The following CD58 variants were observed in gnomAD, a reference collection of about 807,000 sequenced individuals.
The protein encoded by CD58 is lymphocyte function-associated antigen 3.
In CD58, 14 loss-of-function variants were observed where a neutral mutation model predicts 27.6. The ratio of observed to expected loss-of-function variants is 0.51; its 90% CI spans 0.34 to 0.79. The LOEUF (loss-of-function observed/expected upper bound fraction) is 0.79. Ranked by LOEUF, CD58 falls within the 30% of genes least tolerant of loss-of-function variation. The pLI, the probability that CD58 is intolerant of heterozygous loss-of-function variation, is 0.02. For missense variants in CD58, 268 were observed against 301.7 expected, an observed-to-expected ratio of 0.89 and a Z score of 0.83; for synonymous variants, 117 against 103.8, an observed-to-expected ratio of 1.13 and a Z score of -0.77.
At position 116,570,928 on chromosome 1, in the gene CD58, G is replaced by C; in HGVS notation, c.45C>G (p.Ser15Arg). The change falls in exon 1 of 6, where the codon AGC (serine) becomes AGG (arginine). Residue 15 changes from serine (S) to arginine (R), a missense_variant. Ser to Arg is a moderately radical substitution (Grantham distance 110). Coordinates refer to ENST00000369489, the MANE Select transcript of CD58 (RefSeq NM_001779.3). This position sits in a 1 kb window ranked among gnomAD's most constrained non-coding sequence, Gnocchi z 6.4. Reference protein sequence around the residue: ...SDAGRALGVLSVVCLLHCFGF... With the variant: ...SDAGRALGVLRVVCLLHCFGF... ...CAAAGCAGTGCAGCAGGCAGACCACGCTGAGGACCCCCAGGGCCCGCCCCG... is the reference window on the plus strand; with the variant it reads ...CAAAGCAGTGCAGCAGGCAGACCACCCTGAGGACCCCCAGGGCCCGCCCCG... The C allele has an allele frequency of 6.4e-7, 1 of 1,569,184 alleles. No individual in the cohort carries two copies. The highest frequency in any genetic ancestry group is 1.4e-5 in the African/African-American group (1 of 73,960).
rs925777179 is a variant in CD58 at position 116,532,964 on chromosome 1, C to G, written c.628+3001G>C. ...CTGCTGCTTGCATTCCGCCGGCTGG[C>G]TGGGTTCCTTGTTGGGATTAATTTC... On this transcript the variant is annotated intron_variant, in intron 3 of 5. Transcript: ENST00000369489. The surrounding 1 kb of genome is among the most constrained non-coding windows in gnomAD (Gnocchi z 5.1). The G allele has an allele frequency of 2.9e-6, 3 of 1,045,174 alleles. No individual in the cohort carries two copies. The highest frequency in any genetic ancestry group is 2.0e-5 in the Admixed American group (1 of 50,566). 64.7% of individuals were successfully genotyped at this position (1,045,174 alleles called of 1,614,324 possible). A position where few individuals can be genotyped will look rare whatever the true frequency, so the allele number is the denominator to read the frequency against.
At position 116,570,206 on chromosome 1, in the gene CD58, G is replaced by T. The variant is rs1047251873; in HGVS notation, c.70+697C>A. On this transcript the variant is annotated intron_variant, in intron 1 of 5. Coordinates refer to ENST00000369489, the MANE Select transcript of CD58 (RefSeq NM_001779.3). This position sits in a 1 kb window ranked among gnomAD's most constrained non-coding sequence, Gnocchi z 6.4. Reference sequence around the variant, plus strand: ...ATGGGGAGGCAAAATGGGAAGAAGGGGACCTATTTCCTGAGGTTGTTGTGA... The same window carrying T: ...ATGGGGAGGCAAAATGGGAAGAAGGTGACCTATTTCCTGAGGTTGTTGTGA... Among the ~76,000 whole-genome samples, 1 of 152,160 alleles carries T rather than the reference G, an allele frequency of 6.6e-6. No individual in the cohort carries two copies. The highest frequency in any genetic ancestry group is 2.4e-5 in the African/African-American group (1 of 41,446).
In CD58 at chr1:116,531,611, G is replaced by A. The variant is rs545727144; in HGVS notation, c.628+4354C>T. 4.6e-5 allele frequency among the ~76,000 whole-genome samples: 7 copies of A among 152,272 alleles called. No homozygotes were observed. Among genetic ancestry groups the A allele is most frequent in the South Asian group, 2.1e-4 (1 of 4,824 alleles). ...CTTAACTATTTTAACTTTGCAGCTC[G>A]TTTTAAAAACTTCTTGCAATTGTGT... On this transcript the variant is annotated intron_variant, in intron 3 of 5. Transcript: ENST00000369489. The surrounding 1 kb of genome is among the most constrained non-coding windows in gnomAD (Gnocchi z 4.5).
intron 1 of CD58, among the ~76,000 whole-genome samples, chr1:116,555,257 A>G (rs797001053): frequency 7.2e-5 from 11 of 152,222 alleles, no homozygotes; most frequent in African/African-American, 2.6e-4. Flanking sequence ...TGTGAAGTAG[A>G]AATCATAATG....
chr1:116,519,424 C>A lies in CD58; in HGVS notation c.707-157G>T. The A allele has an allele frequency of 1.4e-6, 1 of 711,656 alleles. No homozygotes were observed. 44.1% of individuals were successfully genotyped at this position (711,656 alleles called of 1,614,324 possible). A position where few individuals can be genotyped will look rare whatever the true frequency, so the allele number is the denominator to read the frequency against. On this transcript the variant is annotated intron_variant, in intron 4 of 5. Transcript: ENST00000369489. The surrounding 1 kb of genome is among the most constrained non-coding windows in gnomAD (Gnocchi z 4.7). ...CTATCCTATATGCTTTAAATCAAAT[C>A]GGCTACAGAGCTGGTCCAAAGAGTT...
intron 1 of CD58, among the ~76,000 whole-genome samples, chr1:116,553,352 G>A (rs926792082): frequency 2.6e-5 from 4 of 152,048 alleles, no homozygotes; most frequent in African/African-American, 7.2e-5. Flanking sequence ...ACTGATGGGA[G>A]GGGTAAGACT....
At chr1:116,548,745 T>C (rs191332372) in intron 1 of CD58, among the ~76,000 whole-genome samples, 3 of 152,322 alleles carry the variant, frequency 2.0e-5, no homozygotes, top group Non-Finnish European at 4.4e-5. Context: ...AATTTTGAAC[T>C]AGAAGAAACT....
chr1:116,565,329 G>T (rs1276854992), intron 1 of CD58, among the ~76,000 whole-genome samples: 1 of 152,162 alleles, frequency 6.6e-6, no homozygotes, highest in African/African-American at 2.4e-5. Context: ...TGGTATCCTT[G>T]AAGTTTCTTA....
At chr1:116,537,006 A>G (rs61789227) in intron 2 of CD58, among the ~76,000 whole-genome samples, 2,132 of 152,344 alleles carry the variant, frequency 0.014, 25 homozygotes, top group East Asian at 0.026. Flanking sequence ...CTATACTCCC[A>G]GCACTTTGGG....
At position 116,570,036 on chromosome 1, in the gene CD58, G is replaced by A. The variant is rs530307168; in HGVS notation, c.70+867C>T. Among the ~76,000 whole-genome samples, 47 of 152,204 alleles carry A rather than the reference G, an allele frequency of 3.1e-4. No individual in the cohort carries two copies. The highest frequency in any genetic ancestry group is 4.9e-4 in the Non-Finnish European group (33 of 68,036). On this transcript the variant is annotated intron_variant, in intron 1 of 5. Coordinates refer to ENST00000369489, the MANE Select transcript of CD58 (RefSeq NM_001779.3). This position sits in a 1 kb window ranked among gnomAD's most constrained non-coding sequence, Gnocchi z 6.4. ...GGCAGCGGACGCTGAGCAAACGGAC[G>A]GACGGGCTGGAGGGCTGGCAGTGGG...
At position 116,519,628 on chromosome 1, in the gene CD58, C is replaced by T. The variant is rs966787466; in HGVS notation, c.707-361G>A. Among the ~76,000 whole-genome samples, 3 of 150,494 alleles carry T rather than the reference C, an allele frequency of 2.0e-5. No individual in the cohort carries two copies. The highest frequency in any genetic ancestry group is 4.4e-5 in the Non-Finnish European group (3 of 67,844). ...AGTAATTTAAAATTTTTGGTATCCA[C>T]ATTACAAAGTAAAAAAAAATGTAAA... On this transcript the variant is annotated intron_variant, in intron 4 of 5. Coordinates refer to ENST00000369489, the MANE Select transcript of CD58 (RefSeq NM_001779.3). The surrounding 1 kb of genome is among the most constrained non-coding windows in gnomAD (Gnocchi z 4.7).
Position 116,563,884 on chromosome 1 carries a change from G to A in CD58, c.70+7019C>T, listed in dbSNP as rs1658848808. Among the ~76,000 whole-genome samples, 1 of 152,188 alleles carries A rather than the reference G, an allele frequency of 6.6e-6. No individual in the cohort carries two copies. Among genetic ancestry groups the A allele is most frequent in the Non-Finnish European group, 1.5e-5 (1 of 68,046 alleles). ...CCATTGTCTTCGTGATTAACATTTGGCTCCTCATTACTTAATGCAAATTTC... is the reference window on the plus strand; with the variant it reads ...CCATTGTCTTCGTGATTAACATTTGACTCCTCATTACTTAATGCAAATTTC... On this transcript the variant is annotated intron_variant, in intron 1 of 5. Coordinates refer to ENST00000369489, the MANE Select transcript of CD58 (RefSeq NM_001779.3). The surrounding 1 kb of genome is among the most constrained non-coding windows in gnomAD (Gnocchi z 4.1).
intron 1 of CD58, among the ~76,000 whole-genome samples, chr1:116,549,619 C>CACAT (rs574687180): frequency 2.0e-4 from 31 of 152,260 alleles, no homozygotes; most frequent in African/African-American, 7.0e-4. Flanking sequence ...TATACATAGA[C>CACAT]ACATACATAC....
chr1:116,526,665 A>C (rs1657443457), intron 3 of CD58, among the ~76,000 whole-genome samples: 1 of 152,144 alleles, frequency 6.6e-6, no homozygotes, highest in South Asian at 2.1e-4. Flanking sequence ...TTTGCTGGCT[A>C]TTCTGGTCTT....
Position 116,536,170 on chromosome 1 carries a change from T to C in CD58, c.423A>G (p.Gln141=), listed in dbSNP as rs1393278573. Residue 141 remains glutamine (Q), a synonymous_variant, in exon 3 of 6, where the codon CAA becomes CAG. Transcript: ENST00000369489. This position sits in a 1 kb window ranked among gnomAD's most constrained non-coding sequence, Gnocchi z 5.4. ...CALTNGSIEV[Q]CMIPEHYNSH... ...TGTTGTAATGCTCTGGTATCATGCA[T>C]TGGACTTCAATGCTTCCATTAGTCA... 3.7e-6 allele frequency: 6 copies of C among 1,613,388 alleles called. No individual in the cohort carries two copies. Among genetic ancestry groups the C allele is most frequent in the South Asian group, 1.1e-5 (1 of 91,076 alleles).
intron 1 of CD58, among the ~76,000 whole-genome samples, chr1:116,567,922 T>C (rs1658994538): frequency 6.6e-6 from 1 of 152,066 alleles, no homozygotes; most frequent in Non-Finnish European, 1.5e-5. Context: ...AACATAGCTA[T>C]GAAGTATTCC....
chr1:116,550,983 T>C lies in CD58; in HGVS notation c.71-6379A>G, dbSNP rs906406601. ...ATCTTTTTTTTCTAAGCAGTAAGTA[T>C]TAACAGTGGGCTTACAATATTCAGT... On this transcript the variant is annotated intron_variant, in intron 1 of 5. Transcript: ENST00000369489. This position sits in a 1 kb window ranked among gnomAD's most constrained non-coding sequence, Gnocchi z 4.2. 6.6e-6 allele frequency among the ~76,000 whole-genome samples: 1 copy of C among 152,212 alleles called. No homozygotes were observed. Among genetic ancestry groups the C allele is most frequent in the African/African-American group, 2.4e-5 (1 of 41,454 alleles).
chr1:116,548,785 T>C (rs1658282943), intron 1 of CD58, among the ~76,000 whole-genome samples: 1 of 152,240 alleles, frequency 6.6e-6, no homozygotes, highest in Non-Finnish European at 1.5e-5. Flanking sequence ...ATTACTCCCA[T>C]TTCACTGGTG....
rs777699881 is a variant in CD58, at chr1:116,535,981, G to A, written c.612C>T (p.Thr204=). Residue 204 remains threonine (T), a synonymous_variant, in exon 3 of 6, where the codon ACC becomes ACT. Transcript: ENST00000369489. ...TTTACTCACCGCTGCTTGGGATACA[G>A]GTTGTCAAAATGATTGATGATGTTG... The part of the protein sequence containing the change: ...FNTTSSIILT[T]CIPSSGHSRH... The A allele has an allele frequency of 6.2e-7, 1 of 1,609,256 alleles. No individual in the cohort carries two copies. Among genetic ancestry groups the A allele is most frequent in the Non-Finnish European group, 8.5e-7 (1 of 1,178,272 alleles).
Sources: gnomAD v4.1 joint callset for allele counts (sites outside exome capture counted in the v4.1 genomes callset) on GRCh38, gnomAD v4.1.1 for gene constraint, Gnocchi (gnomAD v3.1) non-coding constraint, MANE v1.5 for transcripts, NCBI Gene and HGNC (gene_info 2026-07-23, HGNC 2026-07-21) for gene names.